The following CCDC93 variants were observed in gnomAD, a reference collection of about 807,000 sequenced individuals.
CCDC93 encodes the protein coiled-coil domain-containing protein 93.
In CCDC93, 61 loss-of-function variants were observed where a neutral mutation model predicts 108.2. The ratio of observed to expected loss-of-function variants is 0.56; its 90% CI spans 0.46 to 0.70. CCDC93 has a LOEUF of 0.70. CCDC93 is among the 30% of genes least tolerant of loss of function. The pLI is 0.00. For synonymous variants in CCDC93, 276 were observed against 260.4 expected, an observed-to-expected ratio of 1.06 and a Z score of -0.58; for missense variants, 685 against 764.2, an observed-to-expected ratio of 0.90 and a Z score of 1.22.
intron 1 of CCDC93, among the ~76,000 whole-genome samples, chr2:118,013,707 C>T (rs2104842104): frequency 6.6e-6 from 1 of 152,254 alleles, no homozygotes; most frequent in South Asian, 2.1e-4. Context: ...GCTAGGAAGG[C>T]CACCTGCGCC....
chr2:117,971,610 A>C (rs1256551631), intron 11 of CCDC93, among the ~76,000 whole-genome samples: 2 of 152,204 alleles, frequency 1.3e-5, no homozygotes, highest in African/African-American at 4.8e-5. Context: ...CTCATTTTAT[A>C]AAGCAGATAC....
chr2:117,954,879 T>G (rs1679168741), intron 12 of CCDC93, among the ~76,000 whole-genome samples: 1 of 152,062 alleles, frequency 6.6e-6, no homozygotes, highest in Non-Finnish European at 1.5e-5. Flanking sequence ...TATAGGCATC[T>G]GGCATTTCCC....
rs759279836 is a variant in CCDC93 at position 117,952,353 on chromosome 2, A to C, written c.1068+20T>G. On this transcript the variant is annotated intron_variant, in intron 13 of 23. Coordinates refer to ENST00000376300, the MANE Select transcript of CCDC93 (RefSeq NM_019044.5). ...ATTCTTGACAAGGGCCCACAGAAGA[A>C]GGAGAATCTATCTGCTCACCTCTGT... is the stretch of plus-strand genomic sequence containing the variant. 1 of 1,552,196 alleles carries C rather than the reference A, an allele frequency of 6.4e-7. No individual in the cohort carries two copies. The highest frequency in any genetic ancestry group is 2.2e-5 in the East Asian group (1 of 44,568).
intron 7 of CCDC93, chr2:117,985,484 G>C (rs1380030122): frequency 2.1e-6 from 2 of 941,074 alleles, no homozygotes; most frequent in South Asian, 4.9e-5. Context: ...GCATGTCCTT[G>C]CACTTTTTTT....
At position 117,958,480 on chromosome 2, in the gene CCDC93, T is replaced by G. The variant is rs1374481901; in HGVS notation, c.890A>C (p.Gln297Pro). The G allele has an allele frequency of 1.3e-6, 2 of 1,573,472 alleles. No individual in the cohort carries two copies. The highest frequency in any genetic ancestry group is 2.2e-5 in the South Asian group (2 of 90,252). ...ACTTTCTTCAGCTGATAGCTCAGAC[T>G]GCTGTGGAAAAAAGGGATGGCAAAT... is the stretch of plus-strand genomic sequence containing the variant. ...KQIVSEYAEK[Q>P]SELSAEESPE... Residue 297 changes from glutamine (Q) to proline (P), a missense_variant and splice_region_variant, in exon 12 of 24, where the codon CAG (glutamine) becomes CCG (proline). By Grantham distance (76) the Gln-to-Pro change is moderately conservative. Transcript: ENST00000376300.
intron 22 of CCDC93, chr2:117,931,786 G>A (rs1432344652): frequency 2.6e-5 from 4 of 152,150 alleles, no homozygotes; most frequent in Non-Finnish European, 4.4e-5. Flanking sequence ...AGACAATTTA[G>A]GATATTTTCA....
chr2:117,927,217 G>A (rs989517539), intron 23 of CCDC93, among the ~76,000 whole-genome samples: 10 of 152,084 alleles, frequency 6.6e-5, no homozygotes, highest in Non-Finnish European at 8.8e-5. Flanking sequence ...CACAAGACAG[G>A]GATTCCCTCT....
chr2:117,949,697 T>C, intron 13 of CCDC93: 1 of 936,360 alleles, frequency 1.1e-6, no homozygotes. Flanking sequence ...TGTTACTTAT[T>C]CAAAAATTAA....
At chr2:117,952,223 T>C (rs1360494827) in intron 13 of CCDC93, 150 bp downstream of exon 13, 10 of 666,614 alleles carry the variant, frequency 1.5e-5, no homozygotes, top group Non-Finnish European at 2.7e-5. Flanking sequence ...ACCATGTAAC[T>C]GTCCTATGTC....
At chr2:118,009,383 C>T (rs1330743297) in intron 1 of CCDC93, among the ~76,000 whole-genome samples, 4 of 151,620 alleles carry the variant, frequency 2.6e-5, no homozygotes, top group African/African-American at 9.7e-5. Context: ...AAACTTTATA[C>T]TTGGCCAGGC....
chr2:117,936,295 A>C (rs964003), intron 21 of CCDC93, among the ~76,000 whole-genome samples: 261 of 152,284 alleles, frequency 1.7e-3, no homozygotes, highest in African/African-American at 5.9e-3. Flanking sequence ...TAGTTTTTAG[A>C]GAACAATGTA....
chr2:117,986,108 G>A, intron 6 of CCDC93, 39 bp from the exon 7 acceptor site: 1 of 1,266,492 alleles, frequency 7.9e-7, no homozygotes, highest in South Asian at 1.2e-5. Flanking sequence ...AGTGTGAGAA[G>A]GCTCTCCTCC....
chr2:117,950,386 G>T (rs921399989), intron 13 of CCDC93: 2 of 985,194 alleles, frequency 2.0e-6, no homozygotes, highest in Non-Finnish European at 1.2e-6. Flanking sequence ...TCACACACAC[G>T]AAATTAGAGT....
chr2:118,009,217 A>C (rs1676959949), intron 1 of CCDC93, among the ~76,000 whole-genome samples: 1 of 151,994 alleles, frequency 6.6e-6, no homozygotes, highest in Admixed American at 6.5e-5. Flanking sequence ...CTAAAAATAC[A>C]AAACTTAGCC....
intron 1 of CCDC93, chr2:118,012,589 C>T (rs1677049751): frequency 6.6e-6 from 1 of 152,174 alleles, no homozygotes; most frequent in Admixed American, 6.5e-5. Flanking sequence ...AAAGGCCAGG[C>T]AAAAACTTGA....
intron 8 of CCDC93, among the ~76,000 whole-genome samples, chr2:117,975,737 ACTG>A (rs1202032735): frequency 4.6e-5 from 7 of 152,230 alleles, no homozygotes; most frequent in Non-Finnish European, 1.0e-4. Flanking sequence ...GGGGTTAGGT[ACTG>A]CTTACTGAAA....
At chr2:117,980,435 T>C (rs1222631745) in intron 7 of CCDC93, among the ~76,000 whole-genome samples, 1 of 152,178 alleles carries the variant, frequency 6.6e-6, no homozygotes, top group Non-Finnish European at 1.5e-5. Context: ...CCCAGGGACT[T>C]CACGGATTTT....
intron 8 of CCDC93, among the ~76,000 whole-genome samples, 176 bp from the exon 9 acceptor site, chr2:117,975,456 G>A (rs1243577672): frequency 1.3e-5 from 2 of 152,206 alleles, no homozygotes; most frequent in East Asian, 1.9e-4. Flanking sequence ...AGGGTGGGCA[G>A]GTTAAGCTTC....
At chr2:117,958,026 G>C (rs902892279) in intron 12 of CCDC93, among the ~76,000 whole-genome samples, 3 of 152,198 alleles carry the variant, frequency 2.0e-5, no homozygotes, top group African/African-American at 7.2e-5. Flanking sequence ...GTGCTCGGTA[G>C]ATATTTGTTA....
Sources: allele counts gnomAD v4.1 joint callset (sites outside exome capture counted in the v4.1 genomes callset), GRCh38; gene constraint gnomAD v4.1.1; transcripts MANE v1.5; gene names NCBI Gene and HGNC (gene_info 2026-07-23, HGNC 2026-07-21).